The following C12orf56 variants were observed in gnomAD, a reference collection of about 807,000 sequenced individuals.
C12orf56 encodes the protein uncharacterized protein C12orf56.
In C12orf56, 71 loss-of-function variants were observed where a neutral mutation model predicts 69.9. That is an observed-to-expected ratio of 1.02 (90% CI 0.84 to 1.24). C12orf56 has a LOEUF of 1.24. Among genes scored for constraint, C12orf56 ranks in the 50% most tolerant of loss-of-function variants. The pLI is 0.00. For missense variants in C12orf56, 732 were observed against 738.5 expected (o/e 0.99, Z 0.10); for synonymous variants, 276 against 274.1 (o/e 1.01, Z -0.07).
In C12orf56 at chr12:64,277,781, C is replaced by T. The variant is rs2038072177; in HGVS notation, c.1333G>A (p.Val445Ile). 1 of 1,600,214 alleles carries T rather than the reference C, an allele frequency of 6.2e-7. No homozygotes were observed. The highest frequency in any genetic ancestry group is 1.7e-4 in the Middle Eastern group (1 of 6,004). The change falls in exon 9 of 13, where the codon GTA (valine) becomes ATA (isoleucine). Residue 445 changes from valine to isoleucine, a missense_variant. By Grantham distance (29) the Val-to-Ile change is conservative. Transcript: ENST00000543942. Reference sequence around the variant, plus strand: ...ATCTGAGGCTCACTAATTAAAATTACCAAGAGATTAAATAGTGCTCCCCTG... The same window carrying T: ...ATCTGAGGCTCACTAATTAAAATTATCAAGAGATTAAATAGTGCTCCCCTG... ...AKKGALFNLL[V>I]ILISEPQIPK...
At chr12:64,373,774 AT>A (rs1017946652) in intron 1 of C12orf56, among the ~76,000 whole-genome samples, 82 of 152,154 alleles carry the variant, frequency 5.4e-4, no homozygotes, top group African/African-American at 1.8e-3. Context: ...TCTACCGATA[AT>A]TTTTTTTAGG....
chr12:64,333,197 G>A (rs981930036), intron 2 of C12orf56, among the ~76,000 whole-genome samples: 1 of 152,148 alleles, frequency 6.6e-6, no homozygotes, highest in Non-Finnish European at 1.5e-5. Flanking sequence ...TGGTGATACA[G>A]CAATACCAAC....
intron 2 of C12orf56, among the ~76,000 whole-genome samples, chr12:64,335,736 T>A (rs990601351): frequency 3.3e-5 from 5 of 152,226 alleles, no homozygotes; most frequent in Admixed American, 1.3e-4. Context: ...AAGTTGGGTC[T>A]AATTAGGAAT....
intron 1 of C12orf56, among the ~76,000 whole-genome samples, chr12:64,368,702 A>G (rs2039530612): frequency 6.6e-6 from 1 of 152,170 alleles, no homozygotes; most frequent in Admixed American, 6.6e-5. Context: ...ATCATCGCCA[A>G]ACTGGCTAAT....
intron 1 of C12orf56, among the ~76,000 whole-genome samples, chr12:64,362,520 C>T (rs947583042): frequency 6.6e-6 from 1 of 152,050 alleles, no homozygotes; most frequent in Non-Finnish European, 1.5e-5. Flanking sequence ...GGTGAAACCC[C>T]ATCTCTACTA....
chr12:64,307,949 G>A (rs1012734807), intron 5 of C12orf56, among the ~76,000 whole-genome samples: 4 of 152,188 alleles, frequency 2.6e-5, no homozygotes, highest in African/African-American at 7.2e-5. Context: ...CCAGGAGGTC[G>A]AGGCTGCAGT....
chr12:64,304,960 A>G (rs547478145), intron 5 of C12orf56, among the ~76,000 whole-genome samples: 49 of 152,150 alleles, frequency 3.2e-4, no homozygotes, highest in African/African-American at 1.1e-3. Context: ...AAGTAAAAAC[A>G]TTTTTTACCA....
chr12:64,336,666 C>T (rs1022524284), intron 2 of C12orf56, among the ~76,000 whole-genome samples: 1 of 152,136 alleles, frequency 6.6e-6, no homozygotes, highest in Admixed American at 6.6e-5. Context: ...TGGAAAGGTG[C>T]TCATCCATGA....
intron 2 of C12orf56, among the ~76,000 whole-genome samples, chr12:64,352,115 TG>T (rs1364540966): frequency 1.4e-4 from 7 of 51,330 alleles, no homozygotes; most frequent in African/African-American, 4.2e-4. Flanking sequence ...TTTTTTTTTT[TG>T]TTTTTTTTTT....
chr12:64,274,088 C>A (rs1174984973), intron 11 of C12orf56, among the ~76,000 whole-genome samples: 4 of 152,198 alleles, frequency 2.6e-5, no homozygotes, highest in Non-Finnish European at 5.9e-5. Context: ...TCCCCTGTCA[C>A]GGGGGGCAGA....
intron 1 of C12orf56, among the ~76,000 whole-genome samples, chr12:64,358,451 C>G (rs2135957674): frequency 8.5e-6 from 1 of 117,650 alleles, no homozygotes; most frequent in African/African-American, 2.9e-5. Context: ...CAGTAAGACT[C>G]CATCTCAAAA....
intron 3 of C12orf56, among the ~76,000 whole-genome samples, chr12:64,326,032 C>T (rs1380206491): frequency 6.6e-6 from 1 of 151,970 alleles, no homozygotes; most frequent in Non-Finnish European, 1.5e-5. Flanking sequence ...TAATAGGGAC[C>T]ATATATACCC....
In C12orf56 at chr12:64,275,287, A is replaced by C; in HGVS notation, c.1509+11T>G. 1 of 1,282,874 alleles carries C rather than the reference A, an allele frequency of 7.8e-7. No homozygotes were observed. Among genetic ancestry groups the C allele is most frequent in the Non-Finnish European group, 1.1e-6 (1 of 946,858 alleles). 79.5% of individuals were successfully genotyped at this position (1,282,874 alleles called of 1,614,324 possible). ...TAAAATATGTAAAAATATAATTTTT[A>C]AAAATTGTACCTGCTGAAAGACCAG... On this transcript the variant is annotated intron_variant, in intron 10 of 12. Transcript: ENST00000543942.
At chr12:64,271,891 T>C (rs2037994777) in intron 11 of C12orf56, among the ~76,000 whole-genome samples, 1 of 152,234 alleles carries the variant, frequency 6.6e-6, no homozygotes. Context: ...TCCCAGTTTC[T>C]TTGCTTGCAA....
intron 6 of C12orf56, among the ~76,000 whole-genome samples, chr12:64,295,035 A>G (rs1190121928): frequency 6.6e-6 from 1 of 151,974 alleles, no homozygotes; most frequent in Non-Finnish European, 1.5e-5. Context: ...GGTGCATGCC[A>G]CCACGCCTGG....
Position 64,304,743 on chromosome 12 carries a change from C to T in C12orf56, c.969-964G>A, listed in dbSNP as rs148746959. Among the ~76,000 whole-genome samples, 10 of 152,246 alleles carry T rather than the reference C, an allele frequency of 6.6e-5. No homozygotes were observed. In the East Asian group the frequency reaches 1.9e-3, roughly 29 times the overall value. ...GGCCGGCTCTGGCCTGAGTGCTTTCCGTAGACTCGTTCTTGGACTGAGCTG... is the reference window on the plus strand; with the variant it reads ...GGCCGGCTCTGGCCTGAGTGCTTTCTGTAGACTCGTTCTTGGACTGAGCTG... On this transcript the variant is annotated intron_variant, in intron 5 of 12. Transcript: ENST00000543942.
intron 1 of C12orf56, among the ~76,000 whole-genome samples, chr12:64,359,611 A>G (rs573094292): frequency 9.8e-5 from 15 of 152,310 alleles, no homozygotes; most frequent in South Asian, 2.1e-4. Context: ...GCGGGGGTAA[A>G]GAGTTTTCTA....
At chr12:64,280,697 C>T (rs1197053688) in intron 8 of C12orf56, among the ~76,000 whole-genome samples, 2 of 152,038 alleles carry the variant, frequency 1.3e-5, no homozygotes, top group Non-Finnish European at 2.9e-5. Flanking sequence ...AGGTGAGCCC[C>T]GAAAAAGAGA....
chr12:64,346,980 A>ATTTT (rs71092960), intron 2 of C12orf56, among the ~76,000 whole-genome samples: 1 of 149,252 alleles, frequency 6.7e-6, no homozygotes, highest in Admixed American at 6.7e-5. Flanking sequence ...ATCTAGTTAC[A>ATTTT]TTTTTTTTTT....
Sources: allele counts gnomAD v4.1 joint callset (sites outside exome capture counted in the v4.1 genomes callset), GRCh38; gene constraint gnomAD v4.1.1; transcripts MANE v1.5; gene names NCBI Gene and HGNC (gene_info 2026-07-23, HGNC 2026-07-21).